The following IGFBP2 variants were observed in gnomAD, a reference collection of about 807,000 sequenced individuals.
The protein encoded by IGFBP2 is insulin-like growth factor-binding protein 2.
Under a neutral mutation model 26.2 loss-of-function variants are expected in IGFBP2, and 12 were observed. That is an observed-to-expected ratio of 0.46 (90% CI 0.29 to 0.74). IGFBP2 has a LOEUF of 0.74. Ranked by LOEUF, IGFBP2 falls within the 30% of genes least tolerant of loss-of-function variation. IGFBP2 has a pLI of 0.09. For missense variants in IGFBP2, 328 were observed against 441.2 expected (o/e 0.74, Z 2.30); for synonymous variants, 189 against 200.6 (o/e 0.94, Z 0.49).
rs537397910 is a variant in IGFBP2 at position 216,646,310 on chromosome 2, C to T, written c.442+12345C>T. Among the ~76,000 whole-genome samples, 117 of 152,208 alleles carry T rather than the reference C, an allele frequency of 7.7e-4. 2 individuals are homozygous for T. Among genetic ancestry groups the T allele is most frequent in the Non-Finnish European group, 1.4e-3 (93 of 68,012 alleles). ...GAGTGGGGCTGTGGGATTGCATCAT[C>T]GAAACTGAATTGTTTGAATGTGGGT... On this transcript the variant is annotated intron_variant, in intron 1 of 3. Transcript: ENST00000233809.
At chr2:216,663,607 C>A (rs1016214550) in intron 3 of IGFBP2, 3 of 246,210 alleles carry the variant, frequency 1.2e-5, no homozygotes, top group Middle Eastern at 1.4e-3. Context: ...CTGGGTCCCC[C>A]CCACTGGATG....
chr2:216,640,085 C>T (rs775706827), intron 1 of IGFBP2, among the ~76,000 whole-genome samples: 4 of 152,132 alleles, frequency 2.6e-5, no homozygotes, highest in Non-Finnish European at 4.4e-5. Context: ...TCCTTTCCCA[C>T]ACTTCTCCCT....
At chr2:216,655,434 G>A (rs1260801358) in intron 1 of IGFBP2, among the ~76,000 whole-genome samples, 7 of 152,120 alleles carry the variant, frequency 4.6e-5, no homozygotes, top group Non-Finnish European at 7.4e-5. Context: ...GCTTCACCTG[G>A]CACTTCTTCC....
intron 1 of IGFBP2, among the ~76,000 whole-genome samples, chr2:216,639,233 C>T (rs1296334517): frequency 1.3e-5 from 2 of 151,958 alleles, no homozygotes; most frequent in Admixed American, 6.6e-5. Flanking sequence ...CAGGGTTTTA[C>T]CATGTTGGCC....
intron 1 of IGFBP2, among the ~76,000 whole-genome samples, chr2:216,658,422 A>G (rs546769981): frequency 2.6e-5 from 4 of 152,312 alleles, no homozygotes; most frequent in African/African-American, 9.6e-5. Flanking sequence ...GTTGGGTTCC[A>G]TGCTGCTGAA....
intron 1 of IGFBP2, among the ~76,000 whole-genome samples, chr2:216,651,574 T>G (rs971943826): frequency 6.6e-6 from 1 of 152,232 alleles, no homozygotes; most frequent in Non-Finnish European, 1.5e-5. Flanking sequence ...TATTTAGCAA[T>G]GTATAAAATT....
intron 1 of IGFBP2, among the ~76,000 whole-genome samples, chr2:216,644,908 T>A (rs1473085456): frequency 6.6e-6 from 1 of 152,176 alleles, no homozygotes; most frequent in Admixed American, 6.5e-5. Flanking sequence ...TTCACCAGAC[T>A]CACACATGCA....
chr2:216,644,544 A>C (rs889445242), intron 1 of IGFBP2, among the ~76,000 whole-genome samples: 1 of 152,078 alleles, frequency 6.6e-6, no homozygotes, highest in African/African-American at 2.4e-5. Flanking sequence ...TCCTATTAGA[A>C]GTTGAGAAGA....
Position 216,633,498 on chromosome 2 carries a change from G to T in IGFBP2, c.-26G>T. On this transcript the variant is annotated 5_prime_UTR_variant, in exon 1 of 4. Transcript: ENST00000233809. ...CGCCCGCCCGCTCGCTCGCTCGCCCGCCGCGCCGCGCTGCCGACCGCCAGC... is the reference window on the plus strand; with the variant it reads ...CGCCCGCCCGCTCGCTCGCTCGCCCTCCGCGCCGCGCTGCCGACCGCCAGC... 1.5e-6 allele frequency: 1 copy of T among 666,824 alleles called. No homozygotes were observed. Among genetic ancestry groups the T allele is most frequent in the Non-Finnish European group, 1.9e-6 (1 of 536,284 alleles). The allele number at this position is 666,824 out of a possible 1,614,324, so 41.3% of individuals were successfully genotyped here.
chr2:216,644,280 T>C (rs1374782155), intron 1 of IGFBP2, among the ~76,000 whole-genome samples: 4 of 151,606 alleles, frequency 2.6e-5, no homozygotes, highest in Admixed American at 6.6e-5. Flanking sequence ...GGAGGGAAGA[T>C]TGGGGAGAAG....
At chr2:216,646,897 C>T (rs1697720438) in intron 1 of IGFBP2, among the ~76,000 whole-genome samples, 1 of 152,212 alleles carries the variant, frequency 6.6e-6, no homozygotes, top group Non-Finnish European at 1.5e-5. Context: ...AGATGGTCAC[C>T]TTTTCTAATG....
In IGFBP2 at chr2:216,633,728, G is replaced by T; in HGVS notation, c.205G>T (p.Gly69Ter). The change falls in exon 1 of 4, where the codon GGA becomes TGA. Residue 69 changes from glycine to a stop codon, truncating the protein, a stop_gained. Coordinates refer to ENST00000233809, the MANE Select transcript of IGFBP2 (RefSeq NM_000597.3). LOFTEE classifies it high-confidence loss of function. ...GCCCGCCGCGGTGGCCGCAGTGGCC[G>T]GAGGCGCCCGCATGCCATGCGCGGA... The part of the protein sequence containing the change: ...APPAAVAAVA[G>*]GARMPCAELV... 8.0e-7 allele frequency: 1 copy of T among 1,246,196 alleles called. No individual in the cohort carries two copies. 77.2% of individuals were successfully genotyped at this position (1,246,196 alleles called of 1,614,324 possible).
chr2:216,639,192 A>G (rs1273078443), intron 1 of IGFBP2, among the ~76,000 whole-genome samples: 1 of 151,572 alleles, frequency 6.6e-6, no homozygotes, highest in Non-Finnish European at 1.5e-5. Flanking sequence ...ACCACCATAC[A>G]CGGTTAATAT....
At chr2:216,648,519 C>G (rs1287848316) in intron 1 of IGFBP2, among the ~76,000 whole-genome samples, 1 of 152,140 alleles carries the variant, frequency 6.6e-6, no homozygotes, top group Non-Finnish European at 1.5e-5. Flanking sequence ...TGGTCCTCTT[C>G]CAGTAGGGCT....
upstream of IGFBP2, chr2:216,633,302 A>C (rs1411463004): frequency 1.3e-5 from 2 of 148,568 alleles, no homozygotes; most frequent in African/African-American, 2.5e-5. Flanking sequence ...GCGCGCACTC[A>C]CTTGCCGGCG....
chr2:216,639,338 A>G (rs1270310687), intron 1 of IGFBP2, among the ~76,000 whole-genome samples: 3 of 151,778 alleles, frequency 2.0e-5, no homozygotes, highest in Non-Finnish European at 2.9e-5. Context: ...ACCTGGCCAC[A>G]ACTGTTCGAT....
rs147118024 is a variant in IGFBP2 at position 216,652,924 on chromosome 2, A to T, written c.443-7633A>T. Among the ~76,000 whole-genome samples the T allele has an allele frequency of 2.4e-3, 365 of 152,214 alleles. 1 individual carries two copies. Among genetic ancestry groups the T allele is most frequent in the South Asian group, 0.011 (54 of 4,806 alleles). On this transcript the variant is annotated intron_variant, in intron 1 of 3. Coordinates refer to ENST00000233809, the MANE Select transcript of IGFBP2 (RefSeq NM_000597.3). ...AATGATAAGTTCAGGGTTGGCTTAG[A>T]TCATCTCTGTGGTACTCCTCTTTCC...
rs1697571299 is a variant in IGFBP2 at position 216,639,559 on chromosome 2, CTTGTTTTTTTTTTGT to C, written c.442+5605_442+5619del. Among the ~76,000 whole-genome samples, 4 of 103,402 alleles carry C rather than the reference CTTGTTTTTTTTTTGT, an allele frequency of 3.9e-5. No individual in the cohort carries two copies. The Admixed American group carries it at 3.9e-4, about 10-fold the overall frequency. 67.8% of individuals were successfully genotyped at this position (103,402 alleles called of 152,430 possible). A position where few individuals can be genotyped will look rare whatever the true frequency, so the allele number is the denominator to read the frequency against. On this transcript the variant is annotated intron_variant, in intron 1 of 3. Coordinates refer to ENST00000233809, the MANE Select transcript of IGFBP2 (RefSeq NM_000597.3). ...CTGTACCCAAAAGAAAAGAAAAAAGCTTGTTTTTTTTTTGTTTGTTTTTTTGTTTTTACAAAGAGT... is the reference window on the plus strand; with the variant it reads ...CTGTACCCAAAAGAAAAGAAAAAAGCTTGTTTTTTTGTTTTTACAAAGAGT...
chr2:216,659,144 A>G (rs79218491), intron 1 of IGFBP2, among the ~76,000 whole-genome samples: 1 of 152,164 alleles, frequency 6.6e-6, no homozygotes, highest in Non-Finnish European at 1.5e-5. Context: ...AAGGACAGGG[A>G]CAGACCCCCA....
Sources: gnomAD v4.1 joint callset for allele counts (sites outside exome capture counted in the v4.1 genomes callset) on GRCh38, gnomAD v4.1.1 for gene constraint, MANE v1.5 for transcripts, NCBI Gene and HGNC (gene_info 2026-07-23, HGNC 2026-07-21) for gene names.